RAD54L: variants seen among roughly 807,000 people sequenced by gnomAD.
The protein encoded by RAD54L is DNA repair and recombination protein RAD54-like.
RAD54L carries 74 observed loss-of-function variants against 91.6 expected under a neutral mutation model. That is an observed-to-expected ratio of 0.81 (90% CI 0.67 to 0.98). RAD54L has a LOEUF of 0.98. Ranked by LOEUF, RAD54L falls within the 50% of genes least tolerant of loss-of-function variation. The probability of loss-of-function intolerance (pLI) is 0.00; values close to 1 mark genes in which losing one functional copy is unlikely to be tolerated. For missense variants in RAD54L, 887 were observed against 945.7 expected (o/e 0.94, Z 0.81); for synonymous variants, 304 against 349.7 (o/e 0.87, Z 1.46).
At chr1:46,255,666 G>GT (rs1223562627) in intron 3 of RAD54L, among the ~76,000 whole-genome samples, 1 of 151,852 alleles carries the variant, frequency 6.6e-6, no homozygotes, top group East Asian at 1.9e-4. Flanking sequence ...ACCCAGCTCA[G>GT]TTTTTTGTAC....
chr1:46,276,420 C>T (rs2148305587), intron 16 of RAD54L, among the ~76,000 whole-genome samples: 1 of 152,244 alleles, frequency 6.6e-6, no homozygotes, highest in Non-Finnish European at 1.5e-5. Context: ...CTTGGCCTTC[C>T]CAAGTGCTGG....
chr1:46,270,746 G>A lies in RAD54L; in HGVS notation c.1130G>A (p.Gly377Glu), dbSNP rs1169307063. 1 of 1,614,228 alleles carries A rather than the reference G, an allele frequency of 6.2e-7. No individual in the cohort carries two copies. The highest frequency in any genetic ancestry group is 1.1e-5 in the South Asian group (1 of 91,090). ...GCTAGTGAGGCAGACAGGCAGCTAGGAGAGGAGCGGCTGCGGGAGCTCACC... is the reference window on the plus strand; with the variant it reads ...GCTAGTGAGGCAGACAGGCAGCTAGAAGAGGAGCGGCTGCGGGAGCTCACC... ...AAASEADRQL[G>E]EERLRELTSI... The change falls in exon 10 of 18, where the codon GGA (glycine) becomes GAA (glutamate). Residue 377 changes from glycine (G) to glutamate (E), a missense_variant. By Grantham distance (98) the Gly-to-Glu change is moderately conservative. Transcript: ENST00000371975.
intron 10 of RAD54L, 32 bp downstream of exon 10, chr1:46,270,817 C>T (rs774213694): frequency 2.5e-6 from 4 of 1,609,946 alleles, no homozygotes; most frequent in Non-Finnish European, 3.4e-6. Context: ...ATTAGAATTG[C>T]CTCCCAAACC....
chr1:46,273,628 G>A lies in RAD54L; in HGVS notation c.1491G>A (p.Lys497=), dbSNP rs1400969864. ...SKALEPQLSG[K]MLVLDYILAV... is the part of the protein sequence containing the mutation. ...GCTGGTTGCTGCTCTTCCCAGGTAA[G>A]ATGCTGGTCCTGGATTATATTCTGG... is the stretch of plus-strand genomic sequence containing the variant. Residue 497 remains lysine, a synonymous_variant, in exon 14 of 18, where the codon AAG becomes AAA. Coordinates refer to ENST00000371975, the MANE Select transcript of RAD54L (RefSeq NM_003579.4). 1.2e-6 allele frequency: 2 copies of A among 1,613,638 alleles called. No homozygotes were observed. Among genetic ancestry groups the A allele is most frequent in the Middle Eastern group, 1.8e-4 (1 of 5,620 alleles).
chr1:46,270,915 T>C, intron 10 of RAD54L, 130 bp downstream of exon 10: 1 of 1,229,328 alleles, frequency 8.1e-7, no homozygotes, highest in Non-Finnish European at 1.2e-6. Context: ...GTGTCCTAAC[T>C]ATGGCCACTG....
Position 46,267,572 on chromosome 1 carries a change from TTTCAGCTTGGTACATTTTGTTAA to T in RAD54L, c.1009_1031del (p.Ser337ArgfsTer8). 6.2e-7 allele frequency: 1 copy of T among 1,613,492 alleles called. No individual in the cohort carries two copies. The highest frequency in any genetic ancestry group is 8.5e-7 in the Non-Finnish European group (1 of 1,179,448). ...CCATCCAGAATGATCTGCTTGAGTA[TTTCAGCTTGGTACATTTTGTTAA>T]TTCCGGCATCCTAGGTAAGAATCTA... On this transcript the variant is annotated frameshift_variant, in exon 9 of 18. Coordinates refer to ENST00000371975, the MANE Select transcript of RAD54L (RefSeq NM_003579.4). LOFTEE classifies it high-confidence loss of function.
intron 8 of RAD54L, among the ~76,000 whole-genome samples, chr1:46,262,920 G>A (rs1196650751): frequency 6.6e-6 from 1 of 152,130 alleles, no homozygotes; most frequent in Non-Finnish European, 1.5e-5. Flanking sequence ...CCTTCAACAA[G>A]TTACTTTATC....
chr1:46,258,613 G>C (rs1660007193), intron 3 of RAD54L, 73 bp from the exon 4 acceptor site: 1 of 1,148,254 alleles, frequency 8.7e-7, no homozygotes, highest in Admixed American at 1.7e-5. Context: ...AAAACCTAAT[G>C]TGAAGCATAT....
chr1:46,258,859 C>A, intron 4 of RAD54L, 113 bp downstream of exon 4: 1 of 883,590 alleles, frequency 1.1e-6, no homozygotes, highest in South Asian at 1.4e-5. Flanking sequence ...GGTGCCAGTC[C>A]AGCGGTGGCT....
intron 3 of RAD54L, among the ~76,000 whole-genome samples, chr1:46,257,301 C>T (rs1659971605): frequency 6.6e-6 from 1 of 152,026 alleles, no homozygotes; most frequent in Non-Finnish European, 1.5e-5. Context: ...CTAGAAGGGA[C>T]ATTTTTTCAT....
rs1660010337 is a variant in RAD54L at position 46,258,747 on chromosome 1, G to A, written c.271+1G>A. 6.3e-7 allele frequency: 1 copy of A among 1,589,534 alleles called. No homozygotes were observed. Among genetic ancestry groups the A allele is most frequent in the East Asian group, 2.2e-5 (1 of 44,776 alleles). ...AAAGTCCCCATTCCAAATTATCAAG[G>A]TAAAATGGAGGTTTTTCTGTTTTTG... On this transcript the variant is annotated splice_donor_variant, in intron 4 of 17. Transcript: ENST00000371975. LOFTEE classifies it high-confidence loss of function.
chr1:46,261,373 C>A lies in RAD54L; in HGVS notation c.879C>A (p.Val293=). 6.2e-7 allele frequency: 1 copy of A among 1,613,878 alleles called. No homozygotes were observed. Among genetic ancestry groups the A allele is most frequent in the Non-Finnish European group, 8.5e-7 (1 of 1,179,968 alleles). ...GVLQKGSVGL[V]ICDEGHRLKN... ...TCCAGAAAGGAAGTGTTGGTCTGGT[C>A]ATATGTGACGAGGTACTTGACTCTC... The change falls in exon 8 of 18, where the codon GTC becomes GTA. Residue 293 remains valine, a synonymous_variant. Transcript: ENST00000371975.
chr1:46,270,004 T>C (rs1660375311), intron 9 of RAD54L, among the ~76,000 whole-genome samples: 1 of 151,594 alleles, frequency 6.6e-6, no homozygotes, highest in Admixed American at 6.6e-5. Context: ...ACTTGGGAGG[T>C]TGAGGCTGTG....
chr1:46,272,193 C>T (rs1201574087), intron 10 of RAD54L, among the ~76,000 whole-genome samples: 1 of 151,804 alleles, frequency 6.6e-6, no homozygotes, highest in Non-Finnish European at 1.5e-5. Context: ...CAGGTGCCTG[C>T]CACCACACTT....
At chr1:46,275,523 C>G (rs1177978090) in intron 16 of RAD54L, among the ~76,000 whole-genome samples, 1 of 151,072 alleles carries the variant, frequency 6.6e-6, no homozygotes, top group Non-Finnish European at 1.5e-5. Context: ...CTACTCTTTT[C>G]CCAATACCCA....
chr1:46,255,487 C>T (rs1659914748), intron 3 of RAD54L, among the ~76,000 whole-genome samples: 1 of 143,822 alleles, frequency 7.0e-6, no homozygotes, highest in Non-Finnish European at 1.5e-5. Flanking sequence ...GAAGGTTGGC[C>T]ATTCCTTTTT....
intron 8 of RAD54L, among the ~76,000 whole-genome samples, chr1:46,262,898 C>T (rs1209873406): frequency 6.6e-6 from 1 of 152,122 alleles, no homozygotes; most frequent in Non-Finnish European, 1.5e-5. Flanking sequence ...CTGCCACTGA[C>T]CAGCAGTGTG....
At chr1:46,250,208 T>G in intron 3 of RAD54L, 89 bp downstream of exon 3, 1 of 1,557,864 alleles carries the variant, frequency 6.4e-7, no homozygotes, top group Non-Finnish European at 8.8e-7. Flanking sequence ...CCCTCAGTGC[T>G]TTCTAGAGTG....
chr1:46,277,252 T>G (rs1660635759), intron 16 of RAD54L, among the ~76,000 whole-genome samples: 1 of 152,224 alleles, frequency 6.6e-6, no homozygotes, highest in East Asian at 1.9e-4. Context: ...TGTCTTTTCT[T>G]ACAAACCATC....
Sources: gnomAD v4.1 joint callset for allele counts (sites outside exome capture counted in the v4.1 genomes callset) on GRCh38, gnomAD v4.1.1 for gene constraint, MANE v1.5 for transcripts, NCBI Gene and HGNC (gene_info 2026-07-23, HGNC 2026-07-21) for gene names.